Variants in ATP2A3 observed in about 807,000 individuals in gnomAD.
ATP2A3 encodes ATPase sarcoplasmic/endoplasmic reticulum Ca2+ transporting 3, also known as sarcoplasmic/endoplasmic reticulum calcium ATPase 3.
In ATP2A3, 61 loss-of-function variants were observed where a neutral mutation model predicts 106.8. That is an observed-to-expected ratio of 0.57 (90% confidence interval 0.46 to 0.71). The LOEUF is 0.71. Ranked by LOEUF, ATP2A3 falls within the 30% of genes least tolerant of loss-of-function variation. The probability of loss-of-function intolerance (pLI) is 0.00; values close to 1 mark genes in which losing one functional copy is unlikely to be tolerated. For synonymous variants in ATP2A3, 611 were observed against 609.3 expected (o/e 1.00, Z -0.04); for missense variants, 1,201 against 1,423.5 (o/e 0.84, Z 2.52).
rs777919564 is a variant in ATP2A3 at position 3,947,807 on chromosome 17, C to T, written c.679G>A (p.Gly227Ser). The T allele has an allele frequency of 5.0e-6, 8 of 1,599,842 alleles. No individual in the cohort carries two copies. The highest frequency in any genetic ancestry group is 4.5e-5 in the East Asian group (2 of 44,874). The change falls in exon 8 of 21, where the codon GGC becomes AGC. Residue 227 changes from glycine to serine, a missense_variant. This residue lies in a region of ATP2A3 where 935 missense variants were observed against 1,176.7 expected (regional missense o/e 0.79). Transcript: ENST00000397041. This position sits in a 1 kb window ranked among gnomAD's most constrained non-coding sequence, Gnocchi z 7.7. ...ATCTTGCCCAGCTCCGTGTGCAGGCCGGTGGCCACGGCCACACCCACCGCT... is the reference window on the plus strand; with the variant it reads ...ATCTTGCCCAGCTCCGTGTGCAGGCTGGTGGCCACGGCCACACCCACCGCT... ...GKAVGVAVAT[G>S]LHTELGKIRS...
Position 3,951,621 on chromosome 17 carries a change from A to G in ATP2A3, c.284T>C (p.Met95Thr). 1 of 1,583,880 alleles carries G rather than the reference A, an allele frequency of 6.3e-7. No homozygotes were observed. The highest frequency in any genetic ancestry group is 1.1e-5 in the South Asian group (1 of 90,238). The change falls in exon 4 of 21, where the codon ATG becomes ACG. Residue 95 changes from methionine to threonine, a missense_variant. By Grantham distance (81) the Met-to-Thr change is moderately conservative (BLOSUM62 -1). Around this residue, in one of 2 missense-constraint regions of ATP2A3, gnomAD observed 266 missense variants for 246.8 expected, o/e 1.08. Transcript: ENST00000397041. ...AATGGCGTTGGCCACGAGGATCAGC[A>G]TGATGACCAGGGGCTCCACGAAGGC... Reference protein sequence around the residue: ...TTAFVEPLVIMLILVANAIVG... With the variant: ...TTAFVEPLVITLILVANAIVG...
intron 7 of ATP2A3, among the ~76,000 whole-genome samples, chr17:3,948,198 A>C (rs1373093624): frequency 6.6e-6 from 1 of 152,234 alleles, no homozygotes; most frequent in Admixed American, 6.5e-5. Context: ...GTAAACAATC[A>C]CTATAGCCAC....
At position 3,930,281 on chromosome 17, in the gene ATP2A3, A is replaced by C. The variant is rs1327170724; in HGVS notation, c.2744+20T>G. On this transcript the variant is annotated intron_variant, in intron 18 of 20. Transcript: ENST00000397041. This position sits in a 1 kb window ranked among gnomAD's most constrained non-coding sequence, Gnocchi z 5.4. ...GCCCCCACTCCTCGGCCCCAGCTCC[A>C]GGCCCTGCGCCCAGCCTACCTGTTG... The C allele has an allele frequency of 1.9e-6, 3 of 1,556,576 alleles. No individual in the cohort carries two copies. In the African/African-American group the frequency reaches 4.1e-5, roughly 21 times the overall value.
chr17:3,929,485 G>A lies in ATP2A3; in HGVS notation c.2745-40C>T, dbSNP rs2144236083. 2.6e-6 allele frequency: 4 copies of A among 1,530,400 alleles called. No homozygotes were observed. The South Asian group carries it at 4.7e-5, about 18-fold the overall frequency. 94.8% of individuals were successfully genotyped at this position (1,530,400 alleles called of 1,614,324 possible). A position where few individuals can be genotyped will look rare whatever the true frequency, so the allele number is the denominator to read the frequency against. On this transcript the variant is annotated intron_variant, in intron 18 of 20. Coordinates refer to ENST00000397041, the MANE Select transcript of ATP2A3 (RefSeq NM_005173.4). This position sits in a 1 kb window ranked among gnomAD's most constrained non-coding sequence, Gnocchi z 4.3. The stretch of plus-strand genomic sequence containing the variant: ...GGTGCTCCCCTTAGGCCGGGGTGCA[G>A]GGAGGCCCTGCCAGGCACCCACCCC...
intron 11 of ATP2A3, among the ~76,000 whole-genome samples, chr17:3,943,139 A>G (rs2053877199): frequency 6.6e-6 from 1 of 152,046 alleles, no homozygotes; most frequent in African/African-American, 2.4e-5. Context: ...AAATGCAAAA[A>G]TTAGCCGGGT....
At position 3,936,892 on chromosome 17, in the gene ATP2A3, C is replaced by T. The variant is rs796274241; in HGVS notation, c.2322-423G>A. 6.7e-5 allele frequency: 22 copies of T among 329,730 alleles called. No homozygotes were observed. Among genetic ancestry groups the T allele is most frequent in the African/African-American group, 4.5e-4 (21 of 47,002 alleles). The allele number at this position is 329,730 out of a possible 1,614,324, so 20.4% of individuals were successfully genotyped here. A position where few individuals can be genotyped will look rare whatever the true frequency, so the allele number is the denominator to read the frequency against. Reference sequence around the variant, plus strand: ...TGCAGAATCCATCCATGTCCAGCAACACACACGCTCACCATTCCCCACAGG... The same window carrying T: ...TGCAGAATCCATCCATGTCCAGCAATACACACGCTCACCATTCCCCACAGG... On this transcript the variant is annotated intron_variant, in intron 15 of 20. Coordinates refer to ENST00000397041, the MANE Select transcript of ATP2A3 (RefSeq NM_005173.4). This position sits in a 1 kb window ranked among gnomAD's most constrained non-coding sequence, Gnocchi z 5.4.
Position 3,941,586 on chromosome 17 carries a change from G to T in ATP2A3, c.1614C>A (p.Thr538=), listed in dbSNP as rs755742221. 1.1e-5 allele frequency: 18 copies of T among 1,612,982 alleles called. No individual in the cohort carries two copies. The highest frequency in any genetic ancestry group is 1.4e-5 in the Non-Finnish European group (16 of 1,180,040). Residue 538 remains threonine (T), a synonymous_variant, in exon 13 of 21, where the codon ACC becomes ACA. Coordinates refer to ENST00000397041, the MANE Select transcript of ATP2A3 (RefSeq NM_005173.4). The stretch of plus-strand genomic sequence containing the variant: ...CCAGGATCTGCTCCCTGGAGGTGGG[G>T]GTCAGGGGTGCTGTGCGGCTCCCCA... The part of the protein sequence containing the change: ...VRVGSRTAPL[T]PTSREQILAK...
In ATP2A3 at chr17:3,925,194, A is replaced by G; in HGVS notation, c.*228T>C. On this transcript the variant is annotated 3_prime_UTR_variant, in exon 21 of 21. Coordinates refer to ENST00000397041, the MANE Select transcript of ATP2A3 (RefSeq NM_005173.4). The surrounding 1 kb of genome is among the most constrained non-coding windows in gnomAD (Gnocchi z 4.2). ...GCTGCAGAGCAGGGAACTTCCCAGG[A>G]GAGTCCAGGAGACAGGAATTACAGA... The G allele has an allele frequency of 3.0e-6, 2 of 658,944 alleles. No homozygotes were observed. The highest frequency in any genetic ancestry group is 2.6e-6 in the Non-Finnish European group (1 of 384,478). 40.8% of individuals were successfully genotyped at this position (658,944 alleles called of 1,614,324 possible).
intron 20 of ATP2A3, chr17:3,927,411 T>A (rs1024764147): frequency 6.1e-6 from 6 of 985,422 alleles, no homozygotes; most frequent in East Asian, 1.1e-4. Flanking sequence ...TGAGCTGTCA[T>A]GTCCCCAGAG....
At chr17:3,932,101 T>C (rs2053135576) in intron 17 of ATP2A3, among the ~76,000 whole-genome samples, 2 of 152,150 alleles carry the variant, frequency 1.3e-5, no homozygotes, top group African/African-American at 4.8e-5. Context: ...AGCTCCAGCA[T>C]TTGAGGCAAG....
At chr17:3,946,401 A>C (rs2054121082) in intron 8 of ATP2A3, among the ~76,000 whole-genome samples, 1 of 152,044 alleles carries the variant, frequency 6.6e-6, no homozygotes, top group Non-Finnish European at 1.5e-5. Flanking sequence ...AAATACAAAA[A>C]TTAGCTGGGT....
intron 14 of ATP2A3, 144 bp downstream of exon 14, chr17:3,940,827 T>A: frequency 9.0e-7 from 1 of 1,108,506 alleles, no homozygotes; most frequent in Non-Finnish European, 1.3e-6. Flanking sequence ...ATTATTTAAA[T>A]TTCTTTTTGT....
At chr17:3,952,829 C>T (rs536147115) in intron 3 of ATP2A3, among the ~76,000 whole-genome samples, 1 of 152,100 alleles carries the variant, frequency 6.6e-6, no homozygotes, top group Non-Finnish European at 1.5e-5. Context: ...TGGGCTCAAG[C>T]GATTTTATTG....
Position 3,964,360 on chromosome 17 carries a change from G to T in ATP2A3, c.-69C>A. 1.1e-6 allele frequency: 1 copy of T among 904,090 alleles called. No homozygotes were observed. Among genetic ancestry groups the T allele is most frequent in the Non-Finnish European group, 1.4e-6 (1 of 729,518 alleles). 56.0% of individuals were successfully genotyped at this position (904,090 alleles called of 1,614,324 possible). A position where few individuals can be genotyped will look rare whatever the true frequency, so the allele number is the denominator to read the frequency against. On this transcript the variant is annotated 5_prime_UTR_variant, in exon 1 of 21. Coordinates refer to ENST00000397041, the MANE Select transcript of ATP2A3 (RefSeq NM_005173.4). ...CCTCTCCGCCGGGGGGCTACAAAGC[G>T]GGGCGCGGGGGACTCGGGCCCGGGC...
In ATP2A3 at chr17:3,936,257, C is replaced by T. The variant is rs747096884; in HGVS notation, c.2524+10G>A. 5.6e-6 allele frequency: 9 copies of T among 1,613,720 alleles called. No individual in the cohort carries two copies. The South Asian group carries it at 9.9e-5, about 18-fold the overall frequency. On this transcript the variant is annotated intron_variant, in intron 16 of 20. Coordinates refer to ENST00000397041, the MANE Select transcript of ATP2A3 (RefSeq NM_005173.4). This position sits in a 1 kb window ranked among gnomAD's most constrained non-coding sequence, Gnocchi z 5.4. ...TTAGGAATTCCACGGAGGGCTCAGG[C>T]CCCACTCACCTCCGATAGCCAGGTA...
chr17:3,958,848 A>AT lies in ATP2A3; in HGVS notation c.119-5139_119-5138insA, dbSNP rs1491254722. Among the ~76,000 whole-genome samples the AT allele has an allele frequency of 5.2e-3, 567 of 108,066 alleles. 43 individuals carry two copies. Among genetic ancestry groups the AT allele is most frequent in the African/African-American group, 0.023 (504 of 21,974 alleles). 70.9% of individuals were successfully genotyped at this position (108,066 alleles called of 152,430 possible). Reference sequence around the variant, plus strand: ...CATATATATACACACACACATATATAAATATATATATATATATATATACAC... The same window carrying AT: ...CATATATATACACACACACATATATATAATATATATATATATATATATACAC... On this transcript the variant is annotated intron_variant, in intron 1 of 20. Transcript: ENST00000397041.
At chr17:3,962,781 C>A (rs139207295) in intron 1 of ATP2A3, among the ~76,000 whole-genome samples, 1 of 152,242 alleles carries the variant, frequency 6.6e-6, no homozygotes, top group African/African-American at 2.4e-5. Flanking sequence ...AGGCCAAGGG[C>A]TGCGTCTCCA....
At chr17:3,960,555 C>T (rs1232442397) in intron 1 of ATP2A3, among the ~76,000 whole-genome samples, 1 of 152,242 alleles carries the variant, frequency 6.6e-6, no homozygotes, top group East Asian at 1.9e-4. Flanking sequence ...AGGACATGCC[C>T]AACACAGCCA....
intron 12 of ATP2A3, among the ~76,000 whole-genome samples, chr17:3,942,166 C>T (rs905144281): frequency 1.3e-5 from 2 of 152,152 alleles, no homozygotes; most frequent in Admixed American, 6.5e-5. Context: ...GACCTCACCC[C>T]GGGCCTAGGA....
Sources: allele counts gnomAD v4.1 joint callset (sites outside exome capture counted in the v4.1 genomes callset), GRCh38; gene constraint gnomAD v4.1.1; regional missense constraint gnomAD v4.1.1; non-coding constraint Gnocchi (gnomAD v3.1); transcripts MANE v1.5; gene names NCBI Gene and HGNC (gene_info 2026-07-23, HGNC 2026-07-21).